GRM3: variants seen among roughly 807,000 people sequenced by gnomAD.
GRM3 encodes the protein metabotropic glutamate receptor 3.
GRM3 carries 26 observed loss-of-function variants against 70.5 expected under a neutral mutation model. The ratio of observed to expected loss-of-function variants is 0.37; its 90% confidence interval spans 0.27 to 0.51. The LOEUF (loss-of-function observed/expected upper bound fraction) is 0.51. Among genes scored for constraint, GRM3 ranks in the 20% least tolerant of loss-of-function variants. The pLI, the probability that GRM3 is intolerant of heterozygous loss-of-function variation, is 0.93. For missense variants in GRM3, 859 were observed against 1,123.8 expected, an observed-to-expected ratio of 0.76 and a Z score of 3.37; for synonymous variants, 443 against 434.9, an observed-to-expected ratio of 1.02 and a Z score of -0.23.
intron 1 of GRM3, among the ~76,000 whole-genome samples, chr7:86,678,686 T>C (rs918921154): frequency 2.6e-5 from 4 of 152,214 alleles, no homozygotes; most frequent in Admixed American, 2.6e-4. Flanking sequence ...GACAAGTACG[T>C]ATCCAGTTTT....
intron 3 of GRM3, among the ~76,000 whole-genome samples, chr7:86,791,841 C>T (rs1427770486): frequency 1.3e-5 from 2 of 152,062 alleles, no homozygotes; most frequent in Admixed American, 6.6e-5. Flanking sequence ...AAACTTTGAA[C>T]GCTGAGCCTT....
intron 1 of GRM3, among the ~76,000 whole-genome samples, chr7:86,679,433 G>A (rs1453934022): frequency 6.6e-6 from 1 of 152,002 alleles, no homozygotes; most frequent in African/African-American, 2.4e-5. Flanking sequence ...TTCATTATCT[G>A]TAAGTTCAAT....
chr7:86,864,471 C>T lies in GRM3; in HGVS notation c.*116C>T. 1 of 782,958 alleles carries T rather than the reference C, an allele frequency of 1.3e-6. No individual in the cohort carries two copies. The highest frequency in any genetic ancestry group is 2.3e-6 in the Non-Finnish European group (1 of 431,558). The allele number at this position is 782,958 out of a possible 1,614,324, so 48.5% of individuals were successfully genotyped here. On this transcript the variant is annotated 3_prime_UTR_variant, in exon 6 of 6. Coordinates refer to ENST00000361669, the MANE Select transcript of GRM3 (RefSeq NM_000840.3). ...CAACCCTAGTACCTTTTTTTAGAAA[C>T]AGTACGATAAATTATTTTTGAGGAC...
chr7:86,738,928 G>C (rs185179785), intron 1 of GRM3, among the ~76,000 whole-genome samples: 31 of 152,278 alleles, frequency 2.0e-4, no homozygotes, highest in African/African-American at 7.5e-4. Flanking sequence ...CGCAATTCAA[G>C]AATACAATAC....
chr7:86,798,159 C>A (rs1797598293), intron 3 of GRM3, among the ~76,000 whole-genome samples: 1 of 152,198 alleles, frequency 6.6e-6, no homozygotes, highest in African/African-American at 2.4e-5. Context: ...TGAGCCCCCA[C>A]ACAGATTCCC....
intron 3 of GRM3, among the ~76,000 whole-genome samples, chr7:86,833,418 GA>G (rs200380665): frequency 0.032 from 3,816 of 118,640 alleles, 149 homozygotes; most frequent in African/African-American, 0.12. Flanking sequence ...TAATAATAAA[GA>G]AAAAAAAGAA....
chr7:86,806,985 C>A (rs561171800), intron 3 of GRM3, among the ~76,000 whole-genome samples: 1 of 137,150 alleles, frequency 7.3e-6, no homozygotes, highest in Admixed American at 7.2e-5. Flanking sequence ...TTTCCCAGCA[C>A]CATTTATTAA....
chr7:86,824,513 G>T (rs941811916), intron 3 of GRM3, among the ~76,000 whole-genome samples: 1 of 152,138 alleles, frequency 6.6e-6, no homozygotes, highest in African/African-American at 2.4e-5. Context: ...ACTTGGATGA[G>T]AATTTGTTTT....
At chr7:86,678,404 C>G (rs1794358586) in intron 1 of GRM3, among the ~76,000 whole-genome samples, 4 of 151,882 alleles carry the variant, frequency 2.6e-5, no homozygotes, top group Admixed American at 2.6e-4. Context: ...AGGCTAACCC[C>G]CATTCCTGCA....
At chr7:86,664,615 CAA>C (rs1359658941) in intron 1 of GRM3, among the ~76,000 whole-genome samples, 2 of 151,830 alleles carry the variant, frequency 1.3e-5, no homozygotes, top group African/African-American at 4.8e-5. Flanking sequence ...GATTTTGTAA[CAA>C]AGAATCCATT....
intron 1 of GRM3, among the ~76,000 whole-genome samples, chr7:86,750,622 T>C (rs1029793764): frequency 6.6e-6 from 1 of 151,834 alleles, no homozygotes; most frequent in African/African-American, 2.4e-5. Flanking sequence ...ACAAGAGATA[T>C]TTGCATCGTT....
intron 4 of GRM3, among the ~76,000 whole-genome samples, chr7:86,845,507 G>A (rs1445369775): frequency 1.3e-5 from 2 of 152,058 alleles, no homozygotes; most frequent in Non-Finnish European, 2.9e-5. Flanking sequence ...AAGTTAGGAT[G>A]GTGATTTGGG....
intron 1 of GRM3, among the ~76,000 whole-genome samples, chr7:86,691,101 C>T (rs1429055696): frequency 1.3e-5 from 2 of 152,086 alleles, no homozygotes; most frequent in Non-Finnish European, 2.9e-5. Context: ...CTGAATTTCA[C>T]ACTCCCTAGC....
At chr7:86,670,377 T>C (rs1289432458) in intron 1 of GRM3, among the ~76,000 whole-genome samples, 1 of 152,202 alleles carries the variant, frequency 6.6e-6, no homozygotes, top group Non-Finnish European at 1.5e-5. Context: ...CCTCTAATCA[T>C]GTTCCCAAAT....
intron 1 of GRM3, among the ~76,000 whole-genome samples, chr7:86,720,419 G>A (rs1182854141): frequency 6.6e-6 from 1 of 152,016 alleles, no homozygotes; most frequent in Non-Finnish European, 1.5e-5. Flanking sequence ...GACATCAGAA[G>A]ATGAATGAAA....
intron 1 of GRM3, among the ~76,000 whole-genome samples, chr7:86,718,762 A>G (rs1409172296): frequency 6.6e-6 from 1 of 152,022 alleles, no homozygotes; most frequent in Non-Finnish European, 1.5e-5. Context: ...TCAACCCCTC[A>G]AAACCTTGGC....
At chr7:86,733,796 C>A (rs1795794282) in intron 1 of GRM3, among the ~76,000 whole-genome samples, 1 of 152,028 alleles carries the variant, frequency 6.6e-6, no homozygotes, top group Non-Finnish European at 1.5e-5. Flanking sequence ...TGCAAGTGAA[C>A]CCAGACAACA....
chr7:86,706,800 AT>A (rs1224163426), intron 1 of GRM3, among the ~76,000 whole-genome samples: 8 of 152,238 alleles, frequency 5.3e-5, no homozygotes, highest in Admixed American at 2.6e-4. Flanking sequence ...TAGCAAAAAA[AT>A]AGCAATGTTA....
chr7:86,706,201 C>A (rs971740061), intron 1 of GRM3, among the ~76,000 whole-genome samples: 1 of 151,844 alleles, frequency 6.6e-6, no homozygotes. Context: ...TTCCTTTAGC[C>A]CTGAAGGTCA....
Sources: allele counts gnomAD v4.1 joint callset (sites outside exome capture counted in the v4.1 genomes callset), GRCh38; gene constraint gnomAD v4.1.1; transcripts MANE v1.5; gene names NCBI Gene and HGNC (gene_info 2026-07-23, HGNC 2026-07-21).